Variants in CNTNAP2 observed in about 807,000 individuals in gnomAD.
CNTNAP2 encodes contactin associated protein 2, also known as contactin-associated protein-like 2.
CNTNAP2 carries 98 observed loss-of-function variants against 155.2 expected under a neutral mutation model. That is an observed-to-expected ratio of 0.63 (90% CI 0.54 to 0.75). CNTNAP2 has a LOEUF of 0.75. CNTNAP2 is among the 30% of genes least tolerant of loss of function. The pLI, the probability that CNTNAP2 is intolerant of heterozygous loss-of-function variation, is 0.00. For synonymous variants in CNTNAP2, 651 were observed against 631.2 expected (o/e 1.03, Z -0.47); for missense variants, 1,727 against 1,688.1 (o/e 1.02, Z -0.40).
At chr7:146,721,809 AGTC>A (rs1801332899) in intron 1 of CNTNAP2, among the ~76,000 whole-genome samples, 1 of 121,992 alleles carries the variant, frequency 8.2e-6, no homozygotes, top group African/African-American at 3.7e-5. Context: ...GACTATATAT[AGTC>A]TATATATGTA....
chr7:147,195,288 T>G (rs1226258638), intron 8 of CNTNAP2, among the ~76,000 whole-genome samples: 1 of 152,176 alleles, frequency 6.6e-6, no homozygotes, highest in Non-Finnish European at 1.5e-5. Context: ...ATATGTCTGT[T>G]TTGGTACCAG....
intron 16 of CNTNAP2, among the ~76,000 whole-genome samples, chr7:148,144,352 G>A (rs1209737454): frequency 1.3e-5 from 2 of 152,178 alleles, no homozygotes; most frequent in Admixed American, 6.5e-5. Context: ...TAAGTCCAGG[G>A]TCCCTCAGCT....
At chr7:148,276,832 G>T (rs1388244922) in intron 21 of CNTNAP2, among the ~76,000 whole-genome samples, 1 of 152,208 alleles carries the variant, frequency 6.6e-6, no homozygotes, top group African/African-American at 2.4e-5. Flanking sequence ...GGTTGCCATG[G>T]TTATCACAGA....
chr7:146,966,082 G>C (rs1797652180), intron 3 of CNTNAP2, among the ~76,000 whole-genome samples: 1 of 152,162 alleles, frequency 6.6e-6, no homozygotes, highest in South Asian at 2.1e-4. Context: ...GGTGCTCCTT[G>C]AGCCTCTCTA....
intron 3 of CNTNAP2, among the ~76,000 whole-genome samples, chr7:146,957,881 TATCAA>T (rs1339141554): frequency 6.6e-6 from 1 of 152,206 alleles, no homozygotes; most frequent in Non-Finnish European, 1.5e-5. Context: ...CACATGGACT[TATCAA>T]GAATGATAAT....
rs1795031805 is a variant in CNTNAP2, at chr7:147,628,742, A to G, written c.1898-10364A>G. On this transcript the variant is annotated intron_variant, in intron 12 of 23. Coordinates refer to ENST00000361727, the MANE Select transcript of CNTNAP2 (RefSeq NM_014141.6). ...TGTCTTCAAAAGACTCACCTAACAC[A>G]TAAGGACTCACATAAACTTAAGGTA... 2.6e-5 allele frequency among the ~76,000 whole-genome samples: 4 copies of G among 152,092 alleles called. No individual in the cohort carries two copies. In the South Asian group the frequency reaches 8.3e-4, roughly 31 times the overall value.
intron 1 of CNTNAP2, among the ~76,000 whole-genome samples, chr7:146,507,805 G>T (rs532842831): frequency 6.6e-6 from 1 of 152,300 alleles, no homozygotes; most frequent in Admixed American, 6.5e-5. Context: ...TAATGGAAAA[G>T]GTGGACCCCC....
chr7:146,359,094 T>C (rs1795045231), intron 1 of CNTNAP2, among the ~76,000 whole-genome samples: 1 of 152,246 alleles, frequency 6.6e-6, no homozygotes, highest in South Asian at 2.1e-4. Context: ...TTATACTACA[T>C]GAGAAATTCT....
intron 1 of CNTNAP2, among the ~76,000 whole-genome samples, chr7:146,699,543 G>A (rs1231552815): frequency 1.3e-5 from 2 of 152,136 alleles, no homozygotes; most frequent in Non-Finnish European, 2.9e-5. Flanking sequence ...ATCCACTTAT[G>A]TGATACAAGA....
At chr7:147,293,068 A>G (rs1805348761) in intron 8 of CNTNAP2, among the ~76,000 whole-genome samples, 1 of 152,162 alleles carries the variant, frequency 6.6e-6, no homozygotes, top group African/African-American at 2.4e-5. Context: ...ACACCCAGCT[A>G]TGAAGTGATC....
chr7:146,371,303 T>C (rs946533394), intron 1 of CNTNAP2, among the ~76,000 whole-genome samples: 14 of 151,770 alleles, frequency 9.2e-5, no homozygotes, highest in African/African-American at 3.4e-4. Flanking sequence ...ATGTGTATAT[T>C]TACATATCTA....
chr7:148,081,899 A>G (rs554095453), intron 15 of CNTNAP2, among the ~76,000 whole-genome samples: 1 of 152,310 alleles, frequency 6.6e-6, no homozygotes, highest in East Asian at 1.9e-4. Context: ...GGTTATGGAA[A>G]GGCGAGTAAC....
At chr7:146,706,297 C>G (rs1800963823) in intron 1 of CNTNAP2, among the ~76,000 whole-genome samples, 1 of 152,074 alleles carries the variant, frequency 6.6e-6, no homozygotes, top group Non-Finnish European at 1.5e-5. Flanking sequence ...AAATGGGTCC[C>G]ACCCTCAGCA....
At chr7:147,681,280 C>T (rs1188776682) in intron 13 of CNTNAP2, among the ~76,000 whole-genome samples, 5 of 151,946 alleles carry the variant, frequency 3.3e-5, no homozygotes, top group South Asian at 4.1e-4. Flanking sequence ...CTGCTGAGAG[C>T]GTCCTAGTAT....
At chr7:147,804,425 A>G (rs1798057653) in intron 13 of CNTNAP2, among the ~76,000 whole-genome samples, 1 of 152,126 alleles carries the variant, frequency 6.6e-6, no homozygotes, top group Admixed American at 6.5e-5. Flanking sequence ...ATGCCACAAA[A>G]TCTTATCAGA....
chr7:147,780,721 A>C (rs1797649470), intron 13 of CNTNAP2, among the ~76,000 whole-genome samples: 2 of 152,146 alleles, frequency 1.3e-5, no homozygotes, highest in African/African-American at 2.4e-5. Flanking sequence ...GCTTTTCTTC[A>C]CTCCTCTCCT....
chr7:146,863,104 C>T (rs1229258139), intron 3 of CNTNAP2, among the ~76,000 whole-genome samples: 2 of 152,016 alleles, frequency 1.3e-5, no homozygotes, highest in Non-Finnish European at 2.9e-5. Context: ...TTAAAAACTC[C>T]TTTAGATCAG....
intron 14 of CNTNAP2, chr7:147,940,446 G>A (rs994594713): frequency 2.0e-5 from 3 of 151,664 alleles, no homozygotes; most frequent in African/African-American, 4.8e-5. Context: ...GATACAATAC[G>A]ATCAATACAA....
chr7:146,509,780 C>T (rs965686935), intron 1 of CNTNAP2, among the ~76,000 whole-genome samples: 1 of 152,110 alleles, frequency 6.6e-6, no homozygotes, highest in African/African-American at 2.4e-5. Flanking sequence ...ACTGAGCATG[C>T]ACTTCCCATA....
Sources: gnomAD v4.1 joint callset for allele counts (sites outside exome capture counted in the v4.1 genomes callset) on GRCh38, gnomAD v4.1.1 for gene constraint, MANE v1.5 for transcripts, NCBI Gene and HGNC (gene_info 2026-07-23, HGNC 2026-07-21) for gene names.